TDRD5: variants seen among roughly 807,000 people sequenced by gnomAD.
TDRD5 encodes tudor domain containing 5.
In TDRD5, 41 loss-of-function variants were observed where a neutral mutation model predicts 120.6. That is an observed-to-expected ratio of 0.34 (90% confidence interval 0.26 to 0.44). The LOEUF is 0.44. Ranked by LOEUF, TDRD5 falls within the 20% of genes least tolerant of loss-of-function variation. The pLI, the probability that TDRD5 is intolerant of heterozygous loss-of-function variation, is 1.00. For synonymous variants in TDRD5, 430 were observed against 433.7 expected (o/e 0.99, Z 0.11); for missense variants, 1,006 against 1,221.2 (o/e 0.82, Z 2.63).
intron 11 of TDRD5, among the ~76,000 whole-genome samples, chr1:179,646,131 T>C (rs1054084969): frequency 3.3e-5 from 5 of 152,214 alleles, no homozygotes; most frequent in Non-Finnish European, 7.3e-5. Flanking sequence ...ACCTATTCTT[T>C]TTCTCACCAT....
rs151311157 is a variant in TDRD5, at chr1:179,593,048, C to A, written c.232+201C>A. Reference sequence around the variant, plus strand: ...TTAACAAACCATTCCCCCAAACAATCGTGCACTCACAAAAGCTACATTTTT... The same window carrying A: ...TTAACAAACCATTCCCCCAAACAATAGTGCACTCACAAAAGCTACATTTTT... On this transcript the variant is annotated intron_variant, in intron 2 of 17. Coordinates refer to ENST00000444136, the MANE Select transcript of TDRD5 (RefSeq NM_001199085.3). 2.9e-3 allele frequency among the ~76,000 whole-genome samples: 438 copies of A among 152,244 alleles called. 1 individual carries two copies. The highest frequency in any genetic ancestry group is 0.01 in the African/African-American group (417 of 41,544).
chr1:179,598,785 G>A (rs1205524861), intron 4 of TDRD5, among the ~76,000 whole-genome samples: 2 of 151,346 alleles, frequency 1.3e-5, no homozygotes, highest in African/African-American at 4.9e-5. Flanking sequence ...TGTAGAGTTT[G>A]GATTTTCTGC....
At chr1:179,595,020 A>T (rs1450551705) in intron 3 of TDRD5, among the ~76,000 whole-genome samples, 1 of 151,432 alleles carries the variant, frequency 6.6e-6, no homozygotes, top group Non-Finnish European at 1.5e-5. Context: ...TCATCAGGAT[A>T]TCTTGAAGTC....
intron 4 of TDRD5, among the ~76,000 whole-genome samples, chr1:179,601,091 ATAT>A (rs1279070478): frequency 1.3e-5 from 2 of 152,236 alleles, no homozygotes; most frequent in African/African-American, 2.4e-5. Context: ...TTTGAGTATA[ATAT>A]TCTATAAATG....
intron 6 of TDRD5, among the ~76,000 whole-genome samples, chr1:179,625,009 C>A (rs1202448548): frequency 6.6e-6 from 1 of 151,830 alleles, no homozygotes; most frequent in Non-Finnish European, 1.5e-5. Context: ...CATGGTGGCT[C>A]ATGCCTGTAA....
intron 16 of TDRD5, among the ~76,000 whole-genome samples, chr1:179,664,962 G>T (rs973664782): frequency 1.3e-5 from 2 of 151,974 alleles, no homozygotes; most frequent in Non-Finnish European, 2.9e-5. Flanking sequence ...AACACTTATT[G>T]CCTGTTCTTT....
At chr1:179,654,403 T>G in intron 14 of TDRD5, 41 bp downstream of exon 14, 2 of 1,469,504 alleles carry the variant, frequency 1.4e-6, no homozygotes, top group Non-Finnish European at 1.8e-6. Flanking sequence ...GTAATTAATA[T>G]AATACACTGA....
chr1:179,656,312 T>G (rs1387941608), intron 14 of TDRD5, among the ~76,000 whole-genome samples: 1 of 152,176 alleles, frequency 6.6e-6, no homozygotes, highest in Non-Finnish European at 1.5e-5. Context: ...TGAGAGTTCT[T>G]TATATATTCA....
chr1:179,640,166 C>A (rs1388301409), intron 10 of TDRD5, 115 bp downstream of exon 10: 2 of 1,213,878 alleles, frequency 1.6e-6, no homozygotes, highest in African/African-American at 3.0e-5. Context: ...ATCCTTCCTT[C>A]CTTCTTCTTA....
In TDRD5 at chr1:179,658,118, A is replaced by G. The variant is rs143056271; in HGVS notation, c.2322+3756A>G. ...CTGTATCTGGCTTCTTTCATGTAAC[A>G]TAATGTCCTCCTGGTTCATCCATTT... On this transcript the variant is annotated intron_variant, in intron 14 of 17. Coordinates refer to ENST00000444136, the MANE Select transcript of TDRD5 (RefSeq NM_001199085.3). Among the ~76,000 whole-genome samples the G allele has an allele frequency of 1.9e-3, 287 of 152,268 alleles. 1 individual carries two copies. Among genetic ancestry groups the G allele is most frequent in the African/African-American group, 6.6e-3 (276 of 41,556 alleles).
rs189237270 is a variant in TDRD5, at chr1:179,611,197, G to T, written c.832-7402G>T. Among the ~76,000 whole-genome samples the T allele has an allele frequency of 4.6e-5, 7 of 152,056 alleles. No homozygotes were observed. In the East Asian group the frequency reaches 1.2e-3, roughly 25 times the overall value. ...CATCCAAGTAGCTGGAATTACAGGG[G>T]TTGCCACCATACTTGGCTAATTTTG... On this transcript the variant is annotated intron_variant, in intron 4 of 17. Transcript: ENST00000444136.
In TDRD5 at chr1:179,677,610, A is replaced by G. The variant is rs138105005; in HGVS notation, c.2860+8206A>G. Among the ~76,000 whole-genome samples the G allele has an allele frequency of 3.7e-3, 561 of 151,996 alleles. 5 individuals carry two copies. Among genetic ancestry groups the G allele is most frequent in the African/African-American group, 0.013 (540 of 41,438 alleles). On this transcript the variant is annotated intron_variant, in intron 17 of 17. Transcript: ENST00000444136. ...GCTTCCTGAGAACTGAACTGTGGTG[A>G]TTGTTTTTGCTCTTCTGGGTTTAGC...
intron 17 of TDRD5, among the ~76,000 whole-genome samples, chr1:179,682,275 G>A (rs1368199208): frequency 7.9e-5 from 12 of 151,592 alleles, no homozygotes; most frequent in Non-Finnish European, 1.6e-4. Flanking sequence ...CTTAAGTTCT[G>A]GGATACATGA....
intron 17 of TDRD5, among the ~76,000 whole-genome samples, chr1:179,679,916 C>A (rs1167455459): frequency 1.3e-5 from 2 of 152,014 alleles, no homozygotes; most frequent in South Asian, 2.1e-4. Context: ...AACCTTAGAT[C>A]ATTCATTTTA....
chr1:179,613,714 A>G (rs911944004), intron 4 of TDRD5, among the ~76,000 whole-genome samples: 1 of 152,296 alleles, frequency 6.6e-6, no homozygotes, highest in Middle Eastern at 3.4e-3. Context: ...AATCCCATTC[A>G]TGGGGGCCTT....
rs755850218 is a variant in TDRD5 at position 179,651,026 on chromosome 1, G to C, written c.1960G>C (p.Glu654Gln). ...DVYFHHVLRT[E>Q]GHAIVCRENI... ...CTATTTCCATCATGTCTTGAGAACAGAGGGCCATGCTATTGTATGCCGAGA... is the reference window on the plus strand; with the variant it reads ...CTATTTCCATCATGTCTTGAGAACACAGGGCCATGCTATTGTATGCCGAGA... Residue 654 changes from glutamate (E) to glutamine (Q), a missense_variant, in exon 12 of 18, where the codon GAG (glutamate) becomes CAG (glutamine). Glu to Gln is a conservative substitution (Grantham distance 29). Around this residue, in one of 3 missense-constraint regions of TDRD5, gnomAD observed 403 missense variants for 448.1 expected, o/e 0.90. Coordinates refer to ENST00000444136, the MANE Select transcript of TDRD5 (RefSeq NM_001199085.3). 2 of 1,614,152 alleles carry C rather than the reference G, an allele frequency of 1.2e-6. No homozygotes were observed. The highest frequency in any genetic ancestry group is 3.3e-5 in the Admixed American group (2 of 60,028).
intron 6 of TDRD5, among the ~76,000 whole-genome samples, chr1:179,625,130 C>CAA (rs1335101585): frequency 0.084 from 10,158 of 120,578 alleles, 471 homozygotes; most frequent in African/African-American, 0.12. Context: ...CAACTGAATA[C>CAA]AAAAAAAAAA....
At chr1:179,653,089 G>A (rs1297744921) in intron 13 of TDRD5, among the ~76,000 whole-genome samples, 1 of 152,172 alleles carries the variant, frequency 6.6e-6, no homozygotes, top group African/African-American at 2.4e-5. Flanking sequence ...TAAAAGGCAA[G>A]TGAAGCATAT....
chr1:179,641,814 C>T lies in TDRD5; in HGVS notation c.1800+1369C>T, dbSNP rs138659697. Among the ~76,000 whole-genome samples, 418 of 152,278 alleles carry T rather than the reference C, an allele frequency of 2.7e-3. 3 individuals are homozygous for T. The highest frequency in any genetic ancestry group is 9.5e-3 in the African/African-American group (395 of 41,554). On this transcript the variant is annotated intron_variant, in intron 11 of 17. Coordinates refer to ENST00000444136, the MANE Select transcript of TDRD5 (RefSeq NM_001199085.3). Reference sequence around the variant, plus strand: ...AATCTGTTAGGTAAATGTGCATCATCGCCTGCTTAACCGTTTCTTTATTGT... The same window carrying T: ...AATCTGTTAGGTAAATGTGCATCATTGCCTGCTTAACCGTTTCTTTATTGT...
Sources: allele counts gnomAD v4.1 joint callset (sites outside exome capture counted in the v4.1 genomes callset), GRCh38; gene constraint gnomAD v4.1.1; regional missense constraint gnomAD v4.1.1; transcripts MANE v1.5; gene names NCBI Gene and HGNC (gene_info 2026-07-23, HGNC 2026-07-21).